PPP2CA: variants seen among roughly 807,000 people sequenced by gnomAD.
PPP2CA encodes the protein serine/threonine-protein phosphatase 2A catalytic subunit alpha isoform.
PPP2CA carries 5 observed loss-of-function variants against 38.8 expected under a neutral mutation model. The observed-to-expected ratio is 0.13, with a 90% CI of 0.07 to 0.27. The LOEUF is 0.27. Ranked by LOEUF, PPP2CA falls within the 10% of genes least tolerant of loss-of-function variation. PPP2CA has a pLI of 1.00. For missense variants in PPP2CA, 88 were observed against 389.7 expected, an observed-to-expected ratio of 0.23 and a Z score of 6.52; for synonymous variants, 152 against 134.0, an observed-to-expected ratio of 1.13 and a Z score of -0.93.
At chr5:134,203,746 G>A (rs560786074) in intron 2 of PPP2CA, among the ~76,000 whole-genome samples, 1 of 152,278 alleles carries the variant, frequency 6.6e-6, no homozygotes, top group East Asian at 1.9e-4. Context: ...CCCCCAGATA[G>A]GATCTCACTC....
At position 134,197,730 on chromosome 5, in the gene PPP2CA, G is replaced by T; in HGVS notation, c.*42C>A. On this transcript the variant is annotated 3_prime_UTR_variant, in exon 7 of 7. Coordinates refer to ENST00000481195, the MANE Select transcript of PPP2CA (RefSeq NM_002715.4). ...TTGCTCTTCCCATTTCCATTAGGTCGATATATGGTTCATGGCAATACTGTA... is the reference window on the plus strand; with the variant it reads ...TTGCTCTTCCCATTTCCATTAGGTCTATATATGGTTCATGGCAATACTGTA... 1 of 1,467,602 alleles carries T rather than the reference G, an allele frequency of 6.8e-7. No homozygotes were observed. The highest frequency in any genetic ancestry group is 9.5e-7 in the Non-Finnish European group (1 of 1,047,958). The allele number at this position is 1,467,602 out of a possible 1,614,324, so 90.9% of individuals were successfully genotyped here. A position where few individuals can be genotyped will look rare whatever the true frequency, so the allele number is the denominator to read the frequency against.
At chr5:134,225,171 A>G (rs1269282399) in intron 1 of PPP2CA, among the ~76,000 whole-genome samples, 1 of 152,226 alleles carries the variant, frequency 6.6e-6, no homozygotes, top group African/African-American at 2.4e-5. Flanking sequence ...AAATTAGGTT[A>G]AGAGAATAAT....
At chr5:134,214,427 C>T (rs1762275416) in intron 1 of PPP2CA, among the ~76,000 whole-genome samples, 1 of 152,080 alleles carries the variant, frequency 6.6e-6, no homozygotes. Flanking sequence ...TTTCAAAAAG[C>T]TTTAATTGTG....
At chr5:134,204,634 T>A (rs4498300) in intron 2 of PPP2CA, among the ~76,000 whole-genome samples, 117,467 of 151,858 alleles carry the variant, frequency 0.77, 45,883 homozygotes, top group Non-Finnish European at 0.82. Flanking sequence ...CTATTTTTTT[T>A]AACTTTTTGT....
chr5:134,221,898 G>A (rs766474825), intron 1 of PPP2CA, among the ~76,000 whole-genome samples: 3 of 151,254 alleles, frequency 2.0e-5, no homozygotes, highest in Non-Finnish European at 4.4e-5. Context: ...AACCTGGGAG[G>A]TGGAGGTTGC....
intron 5 of PPP2CA, chr5:134,199,438 T>TA (rs1189554675): frequency 4.9e-4 from 127 of 258,946 alleles, no homozygotes; most frequent in Non-Finnish European, 5.9e-4. Context: ...TTTTAGTACT[T>TA]TAAAAAAAAA....
intron 1 of PPP2CA, among the ~76,000 whole-genome samples, chr5:134,214,084 G>A (rs991132574): frequency 1.3e-5 from 2 of 152,048 alleles, no homozygotes; most frequent in East Asian, 1.9e-4. Flanking sequence ...AGCTGAGATC[G>A]TGCCACTGCA....
chr5:134,197,900 T>C, intron 6 of PPP2CA, 56 bp from the exon 7 acceptor site: 11 of 1,441,518 alleles, frequency 7.6e-6, no homozygotes, highest in Middle Eastern at 1.7e-4. Context: ...GTAGTGACAA[T>C]CAAGATCAAG....
intron 1 of PPP2CA, 21 bp downstream of exon 1, chr5:134,225,739 C>T (rs751321122): frequency 2.5e-6 from 4 of 1,593,264 alleles, no homozygotes; most frequent in Non-Finnish European, 3.4e-6. Flanking sequence ...GGCGGCTGTC[C>T]GCAGCCGTAC....
In PPP2CA at chr5:134,225,946, C is replaced by T; in HGVS notation, c.-85G>A. On this transcript the variant is annotated 5_prime_UTR_variant, in exon 1 of 7. Coordinates refer to ENST00000481195, the MANE Select transcript of PPP2CA (RefSeq NM_002715.4). ...CGGGCCTACACGCACACGCCGCCGC[C>T]GGTTCCTCGTGTACTTCTGGCGGCT... 7.8e-7 allele frequency: 1 copy of T among 1,278,140 alleles called. No individual in the cohort carries two copies. The highest frequency in any genetic ancestry group is 2.5e-5 in the East Asian group (1 of 40,444). The allele number at this position is 1,278,140 out of a possible 1,614,324, so 79.2% of individuals were successfully genotyped here.
At chr5:134,220,619 G>A (rs1762420976) in intron 1 of PPP2CA, among the ~76,000 whole-genome samples, 1 of 152,098 alleles carries the variant, frequency 6.6e-6, no homozygotes, top group African/African-American at 2.4e-5. Context: ...AGAATAAATA[G>A]TGTCTCCCTG....
At chr5:134,205,675 G>A (rs1188652509) in intron 2 of PPP2CA, 10 of 410,100 alleles carry the variant, frequency 2.4e-5, no homozygotes, top group African/African-American at 6.1e-5. Flanking sequence ...AAGCCATCAC[G>A]CCCAGCCTAT....
chr5:134,202,113 A>G (rs1259472740), intron 2 of PPP2CA, 92 bp from the exon 3 acceptor site: 36 of 1,317,552 alleles, frequency 2.7e-5, no homozygotes, highest in South Asian at 2.3e-4. Flanking sequence ...ATGCAGTTAC[A>G]ATTTTGTTGA....
intron 1 of PPP2CA, among the ~76,000 whole-genome samples, chr5:134,215,382 C>A (rs112005218): frequency 1.3e-5 from 2 of 151,794 alleles, no homozygotes; most frequent in Non-Finnish European, 2.9e-5. Context: ...CCAGCCTGGC[C>A]AAAGTGGTGA....
chr5:134,199,343 GATGACTTA>G, intron 5 of PPP2CA, 139 bp from the exon 6 acceptor site: 1 of 631,380 alleles, frequency 1.6e-6, no homozygotes, highest in African/African-American at 1.8e-5. Context: ...TTTTTTTCTG[GATGACTTA>G]ATAATCTCCT....
At chr5:134,208,662 T>A (rs1188720421) in intron 1 of PPP2CA, among the ~76,000 whole-genome samples, 1 of 152,174 alleles carries the variant, frequency 6.6e-6, no homozygotes, top group African/African-American at 2.4e-5. Context: ...CTGGATGTAG[T>A]CCCATCATAA....
chr5:134,213,187 G>A (rs1038124100), intron 1 of PPP2CA, among the ~76,000 whole-genome samples: 8 of 152,112 alleles, frequency 5.3e-5, no homozygotes, highest in Non-Finnish European at 7.3e-5. Flanking sequence ...AACCCTCAAC[G>A]GACAGGCTGA....
intron 1 of PPP2CA, among the ~76,000 whole-genome samples, chr5:134,222,586 G>C (rs1762469092): frequency 6.6e-6 from 1 of 151,938 alleles, no homozygotes; most frequent in African/African-American, 2.4e-5. Context: ...CACATGTTTG[G>C]TAAGCACAAA....
chr5:134,204,756 C>A (rs1219793422), intron 2 of PPP2CA, among the ~76,000 whole-genome samples: 1 of 152,096 alleles, frequency 6.6e-6, no homozygotes, highest in Non-Finnish European at 1.5e-5. Context: ...AACCACTGCA[C>A]CCAGCCTAGT....
Sources: allele counts gnomAD v4.1 joint callset (sites outside exome capture counted in the v4.1 genomes callset), GRCh38; gene constraint gnomAD v4.1.1; transcripts MANE v1.5; gene names NCBI Gene and HGNC (gene_info 2026-07-23, HGNC 2026-07-21).